Variants in INPP4A observed in about 807,000 individuals in gnomAD.
INPP4A encodes inositol polyphosphate-4-phosphatase type I A, also known as inositol polyphosphate-4-phosphatase, type I, 107kD.
Under a neutral mutation model 119.8 loss-of-function variants are expected in INPP4A, and 33 were observed. The ratio of observed to expected loss-of-function variants is 0.28; its 90% CI spans 0.21 to 0.37. INPP4A has a LOEUF of 0.37. INPP4A is among the 10% of genes least tolerant of loss of function. INPP4A has a pLI of 1.00. For missense variants in INPP4A, 956 were observed against 1,289.9 expected, an observed-to-expected ratio of 0.74 and a Z score of 3.97; for synonymous variants, 496 against 500.7, an observed-to-expected ratio of 0.99 and a Z score of 0.12.
At chr2:98,532,673 A>G (rs1435034482) in intron 4 of INPP4A, among the ~76,000 whole-genome samples, 2 of 152,182 alleles carry the variant, frequency 1.3e-5, no homozygotes, top group East Asian at 1.9e-4. Context: ...ATTATAGGCA[A>G]TTGTAACACA....
intron 1 of INPP4A, among the ~76,000 whole-genome samples, chr2:98,447,221 A>C (rs1694341931): frequency 6.6e-6 from 1 of 152,246 alleles, no homozygotes; most frequent in Non-Finnish European, 1.5e-5. Flanking sequence ...TTGCCACAAC[A>C]TCATCAACTA....
intron 1 of INPP4A, among the ~76,000 whole-genome samples, chr2:98,515,027 G>T (rs755500463): frequency 2.6e-5 from 4 of 152,154 alleles, no homozygotes; most frequent in Admixed American, 2.6e-4. Context: ...CACATAGGGC[G>T]GGCAGGGCAG....
Position 98,594,097 on chromosome 2 carries a change from T to A in INPP4A, c.*6489T>A, listed in dbSNP as rs902388019. The A allele has an allele frequency of 6.6e-6, 1 of 152,236 alleles. No homozygotes were observed. The highest frequency in any genetic ancestry group is 2.4e-5 in the African/African-American group (1 of 41,458). The allele number at this position is 152,236 out of a possible 1,614,324, so 9.4% of individuals were successfully genotyped here. Reference sequence around the variant, plus strand: ...TTTTGTGGTGTTCAACTGAAATATTTCCTATTTCAGCACTGGACCACGCTG... The same window carrying A: ...TTTTGTGGTGTTCAACTGAAATATTACCTATTTCAGCACTGGACCACGCTG... On this transcript the variant is annotated 3_prime_UTR_variant, in exon 25 of 25. Transcript: ENST00000409851.
At chr2:98,468,727 G>T (rs1378854759) in intron 1 of INPP4A, among the ~76,000 whole-genome samples, 2 of 152,292 alleles carry the variant, frequency 1.3e-5, no homozygotes, top group East Asian at 3.9e-4. Flanking sequence ...GTTTGTGAAG[G>T]ATGATGATAG....
At chr2:98,483,065 A>C (rs2105074779) in intron 1 of INPP4A, among the ~76,000 whole-genome samples, 1 of 152,302 alleles carries the variant, frequency 6.6e-6, no homozygotes, top group South Asian at 2.1e-4. Flanking sequence ...GGGATACTCA[A>C]CCTGTGCTAA....
In INPP4A at chr2:98,572,790, C is replaced by T. The variant is rs1411076687; in HGVS notation, c.2519-25C>T. 3 of 1,517,366 alleles carry T rather than the reference C, an allele frequency of 2.0e-6. No homozygotes were observed. The East Asian group carries it at 7.4e-5, about 37-fold the overall frequency. The allele number at this position is 1,517,366 out of a possible 1,614,324, so 94.0% of individuals were successfully genotyped here. ...GGAGTTCCTGGGTGCGTCACCCACT[C>T]CCACGAACTCCTTTTCTCTTCCAGG... is the stretch of plus-strand genomic sequence containing the variant. On this transcript the variant is annotated intron_variant, in intron 22 of 24. Transcript: ENST00000409851.
chr2:98,536,078 C>A, intron 6 of INPP4A, 51 bp from the exon 7 acceptor site: 1 of 1,199,886 alleles, frequency 8.3e-7, no homozygotes, highest in Non-Finnish European at 1.2e-6. Context: ...GTAATTGCAT[C>A]AGAAGCAAAG....
intron 24 of INPP4A, 28 bp from the exon 25 acceptor site, chr2:98,587,448 T>A: frequency 6.4e-7 from 1 of 1,551,544 alleles, no homozygotes; most frequent in East Asian, 2.3e-5. Flanking sequence ...TTTACTGCCG[T>A]CATTTCTTGT....
chr2:98,493,488 C>T (rs1256789743), intron 1 of INPP4A, among the ~76,000 whole-genome samples: 1 of 146,142 alleles, frequency 6.8e-6, no homozygotes, highest in Non-Finnish European at 1.5e-5. Context: ...GCCTCAACCT[C>T]CCAGGCTCGA....
intron 22 of INPP4A, 121 bp downstream of exon 22, chr2:98,568,789 C>T: frequency 1.5e-6 from 1 of 657,934 alleles, no homozygotes; most frequent in Non-Finnish European, 2.8e-6. Flanking sequence ...TGCACTGTTC[C>T]CTTTCTCCCT....
At chr2:98,536,992 G>C (rs1221946967) in intron 7 of INPP4A, among the ~76,000 whole-genome samples, 1 of 152,210 alleles carries the variant, frequency 6.6e-6, no homozygotes, top group African/African-American at 2.4e-5. Flanking sequence ...GTAAGGGAAA[G>C]GGCTTTGAGA....
Position 98,538,923 on chromosome 2 carries a change from G to A in INPP4A, c.612G>A (p.Glu204=), listed in dbSNP as rs1342028327. The A allele has an allele frequency of 1.2e-6, 2 of 1,611,418 alleles. No homozygotes were observed. Among genetic ancestry groups the A allele is most frequent in the East Asian group, 4.5e-5 (2 of 44,876 alleles). Residue 204 remains glutamate, a synonymous_variant, in exon 9 of 25, where the codon GAG becomes GAA. Transcript: ENST00000409851. Reference sequence around the variant, plus strand: ...TTCCTGTCGATGAGAGCTTGACGGAGGCGTTAGGAATCCGATCCAAATACG... The same window carrying A: ...TTCCTGTCGATGAGAGCTTGACGGAAGCGTTAGGAATCCGATCCAAATACG... ...MVLPVDESLT[E]ALGIRSKYAS...
chr2:98,468,127 C>A (rs1675178025), intron 1 of INPP4A, among the ~76,000 whole-genome samples: 1 of 152,186 alleles, frequency 6.6e-6, no homozygotes, highest in Non-Finnish European at 1.5e-5. Flanking sequence ...TTTGTAATAA[C>A]CCTGAGTAAA....
chr2:98,475,128 G>A (rs1676937585), intron 1 of INPP4A, among the ~76,000 whole-genome samples: 1 of 152,080 alleles, frequency 6.6e-6, no homozygotes, highest in Non-Finnish European at 1.5e-5. Flanking sequence ...AAATTGTCAA[G>A]CAGACAAGAA....
chr2:98,555,768 C>T lies in INPP4A; in HGVS notation c.1782C>T (p.Ser594=), dbSNP rs1694348339. Residue 594 remains serine (S), a synonymous_variant, in exon 16 of 25, where the codon TCC becomes TCT. Transcript: ENST00000409851. ...ATGTCCCCTCCTCACCATGCCCCTC[C>T]ACCATGCCCTCCACTGCATGCCATC... is the stretch of plus-strand genomic sequence containing the variant. ...FCDVPSSPCP[S]TMPSTACHPH... The T allele has an allele frequency of 6.3e-7, 1 of 1,581,276 alleles. No individual in the cohort carries two copies. The highest frequency in any genetic ancestry group is 8.6e-7 in the Non-Finnish European group (1 of 1,163,216).
chr2:98,583,642 A>AT (rs1201719500), intron 24 of INPP4A, among the ~76,000 whole-genome samples: 1 of 152,030 alleles, frequency 6.6e-6, no homozygotes, highest in East Asian at 1.9e-4. Context: ...TATGAAGACG[A>AT]TTTTTTTTAA....
chr2:98,590,510 C>T lies in INPP4A; in HGVS notation c.*2902C>T, dbSNP rs769186806. The T allele has an allele frequency of 1.3e-4, 25 of 192,542 alleles. No individual in the cohort carries two copies. The highest frequency in any genetic ancestry group is 2.5e-4 in the Non-Finnish European group (23 of 92,282). 11.9% of individuals were successfully genotyped at this position (192,542 alleles called of 1,614,324 possible). ...CAGTACCTTCCTCATAAGGAACGTG[C>T]GACGCGCCTCAGAAGTACGTGTTCA... On this transcript the variant is annotated 3_prime_UTR_variant, in exon 25 of 25. Coordinates refer to ENST00000409851, the MANE Select transcript of INPP4A (RefSeq NM_001134225.2).
intron 23 of INPP4A, 106 bp downstream of exon 23, chr2:98,573,033 T>A: frequency 1.2e-6 from 1 of 821,292 alleles, no homozygotes; most frequent in Non-Finnish European, 2.0e-6. Context: ...GAGCTCTCCA[T>A]ACTGGGAGAG....
rs1262920714 is a variant in INPP4A, at chr2:98,591,112, A to T, written c.*3504A>T. The T allele has an allele frequency of 5.2e-6, 1 of 192,210 alleles. No individual in the cohort carries two copies. Among genetic ancestry groups the T allele is most frequent in the Admixed American group, 6.1e-5 (1 of 16,306 alleles). 11.9% of individuals were successfully genotyped at this position (192,210 alleles called of 1,614,324 possible). On this transcript the variant is annotated 3_prime_UTR_variant, in exon 25 of 25. Transcript: ENST00000409851. Reference sequence around the variant, plus strand: ...AGTTATACAGTATTTTAAATGGTTTATGTAGTCACATATACCTGTCTTTCA... The same window carrying T: ...AGTTATACAGTATTTTAAATGGTTTTTGTAGTCACATATACCTGTCTTTCA...
Sources: gnomAD v4.1 joint callset for allele counts (sites outside exome capture counted in the v4.1 genomes callset) on GRCh38, gnomAD v4.1.1 for gene constraint, MANE v1.5 for transcripts, NCBI Gene and HGNC (gene_info 2026-07-23, HGNC 2026-07-21) for gene names.